GABRG3: variants seen among roughly 807,000 people sequenced by gnomAD.
GABRG3 encodes gamma-aminobutyric acid receptor subunit gamma-3.
Under a neutral mutation model 48.8 loss-of-function variants are expected in GABRG3, and 25 were observed. The ratio of observed to expected loss-of-function variants is 0.51; its 90% CI spans 0.37 to 0.72. The LOEUF (loss-of-function observed/expected upper bound fraction) is 0.72, where lower values mean the gene tolerates loss of function less well. GABRG3 is among the 30% of genes least tolerant of loss of function. GABRG3 has a pLI of 0.00. For missense variants in GABRG3, 394 were observed against 577.9 expected, an observed-to-expected ratio of 0.68 and a Z score of 3.26; for synonymous variants, 227 against 217.6, an observed-to-expected ratio of 1.04 and a Z score of -0.38.
intron 3 of GABRG3, among the ~76,000 whole-genome samples, chr15:27,202,274 TTC>T (rs1888709120): frequency 6.6e-6 from 1 of 152,234 alleles, no homozygotes; most frequent in African/African-American, 2.4e-5. Flanking sequence ...TTCATTTTTT[TTC>T]TGTTTCACTT....
At chr15:27,150,015 T>C (rs1228505069) in intron 3 of GABRG3, among the ~76,000 whole-genome samples, 1 of 152,196 alleles carries the variant, frequency 6.6e-6, no homozygotes, top group East Asian at 1.9e-4. Context: ...GTGTGTAAAA[T>C]AAGTGTAATA....
At chr15:27,149,344 A>G (rs1898267433) in intron 3 of GABRG3, among the ~76,000 whole-genome samples, 1 of 151,210 alleles carries the variant, frequency 6.6e-6, no homozygotes, top group Admixed American at 6.6e-5. Context: ...TTAACAATCT[A>G]AATAAATGGA....
At chr15:27,048,960 G>A (rs1276327949) in intron 3 of GABRG3, among the ~76,000 whole-genome samples, 1 of 152,214 alleles carries the variant, frequency 6.6e-6, no homozygotes, top group Non-Finnish European at 1.5e-5. Flanking sequence ...CTACCCTGGG[G>A]CCTGCTGCCC....
At chr15:27,354,160 T>G (rs1184272251) in intron 5 of GABRG3, among the ~76,000 whole-genome samples, 1 of 152,182 alleles carries the variant, frequency 6.6e-6, no homozygotes, top group East Asian at 1.9e-4. Context: ...TGAAAAATTA[T>G]GGTAATACTA....
rs371550769 is a variant in GABRG3 at position 27,326,958 on chromosome 15, G to A, written c.420G>A (p.Glu140=). ...TCTTCCGCAATTCTAAAACCGCAGA[G>A]GCTCACTGGATCACCACACCCAATC... is the stretch of plus-strand genomic sequence containing the variant. ...DTIFRNSKTA[E]AHWITTPNQL... is the part of the protein sequence containing the mutation. The change falls in exon 4 of 10, where the codon GAG becomes GAA. Residue 140 remains glutamate, a synonymous_variant. Coordinates refer to ENST00000615808, the MANE Select transcript of GABRG3 (RefSeq NM_033223.5). 2 of 1,614,006 alleles carry A rather than the reference G, an allele frequency of 1.2e-6. No homozygotes were observed. Among genetic ancestry groups the A allele is most frequent in the African/African-American group, 1.3e-5 (1 of 75,056 alleles).
intron 5 of GABRG3, among the ~76,000 whole-genome samples, chr15:27,460,663 T>C: frequency 6.6e-6 from 1 of 152,186 alleles, no homozygotes; most frequent in East Asian, 1.9e-4. Flanking sequence ...AGAGACTCTC[T>C]GATTTGTGAT....
At position 27,062,434 on chromosome 15, in the gene GABRG3, TAAAAAAA is replaced by T. The variant is rs57903886; in HGVS notation, c.270+35631_270+35637del. 7.6e-4 allele frequency among the ~76,000 whole-genome samples: 25 copies of T among 32,866 alleles called. 3 individuals are homozygous for T. Among genetic ancestry groups the T allele is most frequent in the South Asian group, 2.2e-3 (2 of 918 alleles). The allele number at this position is 32,866 out of a possible 152,430, so 21.6% of individuals were successfully genotyped here. On this transcript the variant is annotated intron_variant, in intron 3 of 9. Transcript: ENST00000615808. ...CAACATGGTGAAACTCCATCTCTAC[TAAAAAAA>T]AAAAAAAAAAAAAAAAATTAGCCTT... is the stretch of plus-strand genomic sequence containing the variant.
intron 3 of GABRG3, among the ~76,000 whole-genome samples, chr15:27,083,011 T>G (rs1325236084): frequency 6.6e-6 from 1 of 152,230 alleles, no homozygotes; most frequent in African/African-American, 2.4e-5. Flanking sequence ...AGGCTGTCTG[T>G]GTGTCTGTGT....
At chr15:27,301,895 A>G (rs982860921) in intron 3 of GABRG3, among the ~76,000 whole-genome samples, 1 of 152,164 alleles carries the variant, frequency 6.6e-6, no homozygotes. Flanking sequence ...CATGGAGGCC[A>G]GAAAGAAGAG....
chr15:27,385,740 T>A (rs2140567627), intron 5 of GABRG3, among the ~76,000 whole-genome samples: 1 of 152,324 alleles, frequency 6.6e-6, no homozygotes, highest in East Asian at 1.9e-4. Flanking sequence ...CATTCTGTTC[T>A]ATATTGACAG....
chr15:27,101,051 T>G lies in GABRG3; in HGVS notation c.270+74230T>G, dbSNP rs116790650. Among the ~76,000 whole-genome samples, 1,062 of 152,298 alleles carry G rather than the reference T, an allele frequency of 7.0e-3. 12 individuals carry two copies. Among genetic ancestry groups the G allele is most frequent in the African/African-American group, 0.024 (982 of 41,556 alleles). On this transcript the variant is annotated intron_variant, in intron 3 of 9. Transcript: ENST00000615808. ...TCCTGATTTACAGATAAGCTGATTG[T>G]CTACATGAAAGTCACAAGGAATCTA...
chr15:26,975,733 C>T lies in GABRG3; in HGVS notation c.54-1269C>T, dbSNP rs1202355294. Among the ~76,000 whole-genome samples the T allele has an allele frequency of 6.6e-6, 1 of 152,054 alleles. No individual in the cohort carries two copies. The highest frequency in any genetic ancestry group is 1.5e-5 in the Non-Finnish European group (1 of 67,996). ...AATTAAGTTCCAGAAACTTATATCC[C>T]AGAGCACAAGTGTCCTGACATGACA... On this transcript the variant is annotated intron_variant, in intron 1 of 9. Coordinates refer to ENST00000615808, the MANE Select transcript of GABRG3 (RefSeq NM_033223.5). This position sits in a 1 kb window ranked among gnomAD's most constrained non-coding sequence, Gnocchi z 4.6.
chr15:27,048,533 G>A (rs532640362), intron 3 of GABRG3, among the ~76,000 whole-genome samples: 11 of 152,124 alleles, frequency 7.2e-5, no homozygotes, highest in East Asian at 3.9e-4. Flanking sequence ...TCTTCCACCC[G>A]TCCCCCATGG....
intron 5 of GABRG3, among the ~76,000 whole-genome samples, chr15:27,469,350 A>AT (rs1460835973): frequency 1.3e-5 from 2 of 151,692 alleles, no homozygotes; most frequent in African/African-American, 4.8e-5. Flanking sequence ...ATTTTATTTT[A>AT]TTTTTTTGGA....
chr15:27,309,079 A>G (rs892471736), intron 3 of GABRG3, among the ~76,000 whole-genome samples: 1 of 151,330 alleles, frequency 6.6e-6, no homozygotes, highest in Non-Finnish European at 1.5e-5. Context: ...AAACATGTTT[A>G]TATAGAAATA....
chr15:27,082,477 A>G lies in GABRG3; in HGVS notation c.270+55656A>G, dbSNP rs555465913. Among the ~76,000 whole-genome samples the G allele has an allele frequency of 2.2e-4, 33 of 152,262 alleles. 1 individual carries two copies. In the South Asian group the frequency reaches 5.6e-3, roughly 26 times the overall value. ...TAAGACAAAAAAAATTCTGCAGGCAATGTTTCAGATCAGAAATGTTATGAG... is the reference window on the plus strand; with the variant it reads ...TAAGACAAAAAAAATTCTGCAGGCAGTGTTTCAGATCAGAAATGTTATGAG... On this transcript the variant is annotated intron_variant, in intron 3 of 9. Transcript: ENST00000615808.
intron 3 of GABRG3, among the ~76,000 whole-genome samples, chr15:27,153,402 CAA>C (rs1234440425): frequency 6.6e-6 from 1 of 152,134 alleles, no homozygotes; most frequent in Non-Finnish European, 1.5e-5. Context: ...TGTAGCTATA[CAA>C]TAGGCTGTAA....
chr15:27,269,673 C>A (rs1410435265), intron 3 of GABRG3, among the ~76,000 whole-genome samples: 2 of 152,288 alleles, frequency 1.3e-5, no homozygotes, highest in East Asian at 3.9e-4. Context: ...GTGTCTCAGG[C>A]CCTGCGTAGT....
At chr15:27,471,799 G>C (rs572267362) in intron 5 of GABRG3, among the ~76,000 whole-genome samples, 177 of 152,206 alleles carry the variant, frequency 1.2e-3, no homozygotes, top group South Asian at 3.1e-3. Flanking sequence ...CTAATCCCAA[G>C]AGAAGTTTCA....
Sources: gnomAD v4.1 joint callset for allele counts (sites outside exome capture counted in the v4.1 genomes callset) on GRCh38, gnomAD v4.1.1 for gene constraint, Gnocchi (gnomAD v3.1) non-coding constraint, MANE v1.5 for transcripts, NCBI Gene and HGNC (gene_info 2026-07-23, HGNC 2026-07-21) for gene names.